RSRP1: variants seen among roughly 807,000 people sequenced by gnomAD.
RSRP1 encodes arginine/serine-rich protein 1.
Under a neutral mutation model 33.0 loss-of-function variants are expected in RSRP1, and 37 were observed. The ratio of observed to expected loss-of-function variants is 1.12; its 90% CI spans 0.86 to 1.48. The LOEUF is 1.48. RSRP1 is among the 40% of genes most tolerant of loss of function. The pLI is 0.00. For synonymous variants in RSRP1, 167 were observed against 158.7 expected (o/e 1.05, Z -0.40); for missense variants, 402 against 385.3 (o/e 1.04, Z -0.36).
intron 1 of RSRP1, among the ~76,000 whole-genome samples, chr1:25,314,726 G>A (rs1366459301): frequency 7.6e-6 from 1 of 131,362 alleles, no homozygotes; most frequent in African/African-American, 2.6e-5. Context: ...GGCTGATCTT[G>A]GACTCCTGGC....
At chr1:25,244,423 C>T (rs1443520546) in intron 3 of RSRP1, 1 of 1,289,342 alleles carries the variant, frequency 7.8e-7, no homozygotes. Context: ...TCAAATTAAA[C>T]CTCTGATGCT....
chr1:25,246,555 G>A lies in RSRP1; in HGVS notation c.409C>T (p.Gln137Ter), dbSNP rs776874363. ...CGRAYAIARG[Q>*]RYYGFGRTVY... Reference sequence around the variant, plus strand: ...GTGCGACCAAAGCCGTAGTAGCGCTGTCCCCGCGCGATCGCGTACGCCCTT... The same window carrying A: ...GTGCGACCAAAGCCGTAGTAGCGCTATCCCCGCGCGATCGCGTACGCCCTT... Residue 137 changes from glutamine to a stop codon, truncating the protein, a stop_gained, in exon 2 of 5, where the codon CAG (glutamine) becomes TAG (stop). Transcript: ENST00000243189. LOFTEE classifies it high-confidence loss of function. The A allele has an allele frequency of 3.1e-6, 5 of 1,614,126 alleles. No homozygotes were observed. The Admixed American group carries it at 8.3e-5, about 27-fold the overall frequency.
Position 25,290,736 on chromosome 1 carries a change from T to C in RSRP1, c.-66-43707A>G, listed in dbSNP as rs775007210. The C allele has an allele frequency of 6.5e-6, 9 of 1,377,720 alleles. 1 individual carries two copies. Among genetic ancestry groups the C allele is most frequent in the South Asian group, 2.4e-5 (2 of 84,668 alleles). The allele number at this position is 1,377,720 out of a possible 1,614,324, so 85.3% of individuals were successfully genotyped here. A position where few individuals can be genotyped will look rare whatever the true frequency, so the allele number is the denominator to read the frequency against. ...TTGGCGCAGTTGGTGGTGATGGTGC[T>C]GGTGGAGGTGACAGCTTTAGGCAAC... On this transcript the variant is annotated intron_variant, in intron 1 of 1. Transcript: ENST00000561867.
At chr1:25,304,781 A>T (rs1445923763) in intron 1 of RSRP1, 1 of 131,374 alleles carries the variant, frequency 7.6e-6, no homozygotes, top group East Asian at 1.9e-4. Flanking sequence ...TCATCTTTGC[A>T]AGGGGAACAA....
At chr1:25,281,856 C>T (rs1313354486) in intron 1 of RSRP1, among the ~76,000 whole-genome samples, 1 of 132,538 alleles carries the variant, frequency 7.5e-6, no homozygotes, top group East Asian at 1.9e-4. Context: ...CAGTGTCCTC[C>T]CTTGTCCTCT....
chr1:25,278,868 G>A (rs573899813), intron 1 of RSRP1, among the ~76,000 whole-genome samples: 3 of 128,492 alleles, frequency 2.3e-5, no homozygotes, highest in Admixed American at 1.5e-4. Flanking sequence ...GAGAGTCGCC[G>A]GTAGAGTAGA....
chr1:25,263,454 A>G (rs916033742), intron 1 of RSRP1, among the ~76,000 whole-genome samples: 1 of 151,910 alleles, frequency 6.6e-6, no homozygotes, highest in African/African-American at 2.4e-5. Context: ...TCTTACGTGG[A>G]TGGCAGGCAA....
intron 1 of RSRP1, among the ~76,000 whole-genome samples, chr1:25,287,691 T>C (rs1189205813): frequency 1.5e-5 from 2 of 135,468 alleles, no homozygotes; most frequent in Admixed American, 1.4e-4. Flanking sequence ...AAAATGAAAA[T>C]AAACGGAACT....
At chr1:25,249,510 T>G (rs921890830), upstream of RSRP1, among the ~76,000 whole-genome samples, 1 of 152,148 alleles carries the variant, frequency 6.6e-6, no homozygotes, top group Non-Finnish European at 1.5e-5. Context: ...AGCTAATTTT[T>G]TTTGTATTTT....
intron 1 of RSRP1, chr1:25,272,573 T>A (rs1393968550): frequency 6.3e-7 from 1 of 1,583,400 alleles, no homozygotes; most frequent in Non-Finnish European, 8.6e-7. Flanking sequence ...CCGCGGTCTG[T>A]CCGGCGCTGC....
In RSRP1 at chr1:25,300,241, C is replaced by T. The variant is rs189916973; in HGVS notation, c.-67+37737G>A. 7.6e-5 allele frequency among the ~76,000 whole-genome samples: 10 copies of T among 131,026 alleles called. 2 individuals carry two copies. The highest frequency in any genetic ancestry group is 2.1e-4 in the African/African-American group (8 of 38,126). 86.0% of individuals were successfully genotyped at this position (131,026 alleles called of 152,430 possible). ...AAGCATATAAGAGCTACTGATAGGC[C>T]GGGTGTGGTGGCTCATGCCTGTAAT... is the stretch of plus-strand genomic sequence containing the variant. On this transcript the variant is annotated intron_variant, in intron 1 of 1. Transcript: ENST00000561867.
intron 1 of RSRP1, among the ~76,000 whole-genome samples, chr1:25,298,313 T>C (rs1643110282): frequency 1.6e-5 from 2 of 123,934 alleles, no homozygotes; most frequent in South Asian, 5.8e-4. Flanking sequence ...TCATAACGAT[T>C]GCTTTAAAAG....
rs1557529488 is a variant in RSRP1, at chr1:25,291,142, G to GGATAGATAGATAGATAGATAGATA, written c.-66-44114_-66-44113insTATCTATCTATCTATCTATCTATC. ...CTCATCTCTAAATAAATAGGTAGGT[G>GGATAGATAGATAGATAGATAGATA]GATAGACAGATAGATAGATAGACAG... is the stretch of plus-strand genomic sequence containing the variant. On this transcript the variant is annotated intron_variant, in intron 1 of 1. Coordinates refer to the RSRP1 transcript ENST00000561867. 1.2e-3 allele frequency among the ~76,000 whole-genome samples: 146 copies of GGATAGATAGATAGATAGATAGATA among 125,614 alleles called. 8 individuals are homozygous for GGATAGATAGATAGATAGATAGATA. Among genetic ancestry groups the GGATAGATAGATAGATAGATAGATA allele is most frequent in the African/African-American group, 3.9e-3 (134 of 34,378 alleles). 82.4% of individuals were successfully genotyped at this position (125,614 alleles called of 152,430 possible). A position where few individuals can be genotyped will look rare whatever the true frequency, so the allele number is the denominator to read the frequency against.
intron 1 of RSRP1, chr1:25,306,858 G>A (rs1643879623): frequency 1.1e-6 from 1 of 933,480 alleles, no homozygotes; most frequent in African/African-American, 1.6e-5. Context: ...GTGAATATTT[G>A]TTGGCTGATT....
chr1:25,290,307 TCC>T (rs1161434596), intron 1 of RSRP1, among the ~76,000 whole-genome samples: 1 of 123,552 alleles, frequency 8.1e-6, no homozygotes, highest in Non-Finnish European at 1.9e-5. Context: ...AGTTATCAGA[TCC>T]CCTGAGGGAA....
chr1:25,268,928 AC>A (rs755197333), intron 1 of RSRP1, among the ~76,000 whole-genome samples: 1 of 120,936 alleles, frequency 8.3e-6, no homozygotes, highest in East Asian at 2.0e-4. Context: ...AGCCTAGGCA[AC>A]AAGAGCAAAA....
intron 4 of RSRP1, among the ~76,000 whole-genome samples, chr1:25,243,256 T>C (rs1313721385): frequency 6.6e-6 from 1 of 152,194 alleles, no homozygotes; most frequent in East Asian, 1.9e-4. Context: ...GAAACTCTTA[T>C]TTTAAAACAT....
Position 25,244,587 on chromosome 1 carries a change from A to C in RSRP1, c.672+563T>G, listed in dbSNP as rs60761865. 2,972 of 1,283,626 alleles carry C rather than the reference A, an allele frequency of 2.3e-3. 46 individuals carry two copies. The African/African-American group carries it at 0.039, about 17-fold the overall frequency. The allele number at this position is 1,283,626 out of a possible 1,614,324, so 79.5% of individuals were successfully genotyped here. A position where few individuals can be genotyped will look rare whatever the true frequency, so the allele number is the denominator to read the frequency against. On this transcript the variant is annotated intron_variant, in intron 3 of 4. Transcript: ENST00000243189. ...CATAATGCTGCAAATGAAAGCTACAAACACTCTGTAAATAGCTTAGAAAAA... is the reference window on the plus strand; with the variant it reads ...CATAATGCTGCAAATGAAAGCTACACACACTCTGTAAATAGCTTAGAAAAA...
At chr1:25,310,942 C>G (rs1422089108) in intron 1 of RSRP1, among the ~76,000 whole-genome samples, 1 of 120,728 alleles carries the variant, frequency 8.3e-6, no homozygotes, top group East Asian at 2.0e-4. Flanking sequence ...TATTGCACTC[C>G]AGCTTGGGCA....
Sources: allele counts gnomAD v4.1 joint callset (sites outside exome capture counted in the v4.1 genomes callset), GRCh38; gene constraint gnomAD v4.1.1; transcripts MANE v1.5; gene names NCBI Gene and HGNC (gene_info 2026-07-23, HGNC 2026-07-21).